The following ZNF883 variants were observed in gnomAD, a reference collection of about 807,000 sequenced individuals.
The protein encoded by ZNF883 is zinc finger protein 883.
chr9:112,990,781 C>A (rs1303971758), intron 1 of ZNF883, among the ~76,000 whole-genome samples: 1 of 151,946 alleles, frequency 6.6e-6, no homozygotes, highest in East Asian at 1.9e-4. Context: ...CTTATTATTG[C>A]CTAATTTCAG....
upstream of ZNF883, among the ~76,000 whole-genome samples, chr9:113,002,524 A>G (rs1349088854): frequency 2.0e-5 from 3 of 152,226 alleles, no homozygotes; most frequent in East Asian, 5.8e-4. Flanking sequence ...AGATGTTGAC[A>G]GTAGGGAAAA....
chr9:112,991,728 G>A lies in ZNF883; in HGVS notation n.309+6975C>T, dbSNP rs548195693. On this transcript the variant is annotated intron_variant and non_coding_transcript_variant, in intron 1 of 9. Coordinates refer to the ZNF883 transcript ENST00000638823. ...GTGTGGGAATCTAAGTCTCTTTGTC[G>A]GTCTCTAAGAACTTGTTTTATGAGT... Among the ~76,000 whole-genome samples the A allele has an allele frequency of 4.1e-4, 62 of 152,186 alleles. 3 individuals are homozygous for A. The South Asian group carries it at 0.011, about 26-fold the overall frequency.
chr9:112,997,941 T>G, exon 1 of ZNF883: 1 of 1,613,932 alleles, frequency 6.2e-7, no homozygotes, highest in Admixed American at 1.7e-5. Context: ...GACCTATGAC[T>G]AAAGGTTTTT....
exon 1 of ZNF883, chr9:112,998,044 A>G (rs757112334): frequency 1.2e-6 from 2 of 1,613,752 alleles, no homozygotes; most frequent in African/African-American, 1.3e-5. Flanking sequence ...TCCCACATTC[A>G]TTACATTCAT....
upstream of ZNF883, among the ~76,000 whole-genome samples, chr9:113,002,294 A>G (rs1004283522): frequency 6.6e-6 from 1 of 152,184 alleles, no homozygotes; most frequent in African/African-American, 2.4e-5. Flanking sequence ...CCCTATAAAG[A>G]CACCTAAAAC....
chr9:112,990,873 C>A (rs780021181), intron 1 of ZNF883, among the ~76,000 whole-genome samples: 2 of 152,154 alleles, frequency 1.3e-5, no homozygotes, highest in Non-Finnish European at 2.9e-5. Context: ...GTATCCATTT[C>A]TTCTATATTT....
chr9:112,993,632 C>A (rs1828322766), downstream of ZNF883, among the ~76,000 whole-genome samples: 1 of 152,236 alleles, frequency 6.6e-6, no homozygotes, highest in African/African-American at 2.4e-5. Context: ...GCCCGGATTC[C>A]TCAGAGCCAG....
chr9:112,997,469 G>A (rs1477442212), exon 1 of ZNF883: 1 of 1,614,102 alleles, frequency 6.2e-7, no homozygotes. Context: ...ACAAACATAG[G>A]GCTTCTCTCC....
chr9:113,002,734 A>C (rs532526256), upstream of ZNF883, among the ~76,000 whole-genome samples: 4 of 152,206 alleles, frequency 2.6e-5, no homozygotes, highest in African/African-American at 4.8e-5. Context: ...GAATCTCCCA[A>C]AGGCACATGT....
chr9:112,997,846 A>G lies in ZNF883; in HGVS notation n.414T>C, dbSNP rs373205923. 5.5e-5 allele frequency: 89 copies of G among 1,612,212 alleles called. No individual in the cohort carries two copies. In the African/African-American group the frequency reaches 9.6e-4, roughly 17 times the overall value. On this transcript the variant is annotated non_coding_transcript_exon_variant, in exon 1 of 1. Coordinates refer to ENST00000639662, the Ensembl canonical transcript of ZNF883. ...GAATTCTATGATGTTGAGTAAGGGC[A>G]GAGATATGGCTGAAAGCTTTCCCAC...
At chr9:112,988,999 T>C (rs1828278296) in intron 1 of ZNF883, among the ~76,000 whole-genome samples, 2 of 152,194 alleles carry the variant, frequency 1.3e-5, no homozygotes, top group African/African-American at 4.8e-5. Flanking sequence ...TGTAAATTTG[T>C]TTAGGTTCCT....
chr9:112,994,586 A>AT (rs1355565348), downstream of ZNF883, among the ~76,000 whole-genome samples: 6 of 151,654 alleles, frequency 4.0e-5, no homozygotes, highest in African/African-American at 1.5e-4. Context: ...TATTTTTCCA[A>AT]TTTTTCCCAA....
upstream of ZNF883, among the ~76,000 whole-genome samples, chr9:113,002,603 A>T (rs1253334117): frequency 6.6e-6 from 1 of 152,170 alleles, no homozygotes; most frequent in Admixed American, 6.5e-5. Flanking sequence ...AAACTATTCT[A>T]AAATAAGTTT....
chr9:113,002,514 A>G (rs974220395), upstream of ZNF883, among the ~76,000 whole-genome samples: 1 of 152,216 alleles, frequency 6.6e-6, no homozygotes, highest in East Asian at 1.9e-4. Flanking sequence ...AACTAACATA[A>G]GATGTTGACA....
At chr9:113,010,026 T>C (rs1007518270) in intron 2 of ZNF883, among the ~76,000 whole-genome samples, 2 of 152,244 alleles carry the variant, frequency 1.3e-5, no homozygotes, top group African/African-American at 4.8e-5. Context: ...TCATGCTCAG[T>C]TGAGGAACAT....
intron 2 of ZNF883, among the ~76,000 whole-genome samples, chr9:113,007,804 T>G (rs1195304904): frequency 6.6e-6 from 1 of 152,180 alleles, no homozygotes; most frequent in African/African-American, 2.4e-5. Context: ...AGTAATGAAC[T>G]GACTTGCCTA....
At chr9:112,996,389 T>C (rs1044570869), downstream of ZNF883, among the ~76,000 whole-genome samples, 2 of 152,212 alleles carry the variant, frequency 1.3e-5, no homozygotes, top group Non-Finnish European at 2.9e-5. Flanking sequence ...AAACCCTCTA[T>C]AAAAGTGTTT....
At chr9:113,012,032 C>T (rs1828544656) in intron 1 of ZNF883, 118 bp downstream of exon 1, 1 of 152,486 alleles carries the variant, frequency 6.6e-6, no homozygotes, top group Non-Finnish European at 1.5e-5. Flanking sequence ...TCCTCCGCCC[C>T]CGGGCCCGGC....
Position 112,997,912 on chromosome 9 carries a change from C to T in ZNF883, n.348G>A, listed in dbSNP as rs752102317. ...AGGGTTTTTCTCCAGTATGGATTCTCTCATGATTTCTAAGGGATGACCTAT... is the reference window on the plus strand; with the variant it reads ...AGGGTTTTTCTCCAGTATGGATTCTTTCATGATTTCTAAGGGATGACCTAT... On this transcript the variant is annotated non_coding_transcript_exon_variant, in exon 1 of 1. Coordinates refer to ENST00000639662, the Ensembl canonical transcript of ZNF883. The T allele has an allele frequency of 3.7e-6, 6 of 1,613,666 alleles. No individual in the cohort carries two copies. In the South Asian group the frequency reaches 4.4e-5, roughly 12 times the overall value.
Sources: allele counts gnomAD v4.1 joint callset (sites outside exome capture counted in the v4.1 genomes callset), GRCh38; gene constraint gnomAD v4.1.1; transcripts MANE v1.5; gene names NCBI Gene and HGNC (gene_info 2026-07-23, HGNC 2026-07-21).